TXNRD3: variants seen among roughly 807,000 people sequenced by gnomAD.
TXNRD3 encodes TXNRD3 neighbor gene protein.
In TXNRD3, 68 loss-of-function variants were observed where a neutral mutation model predicts 78.2. The observed-to-expected ratio is 0.87, with a 90% confidence interval of 0.72 to 1.06. The LOEUF is 1.06. Ranked by LOEUF, TXNRD3 falls within the 50% of genes least tolerant of loss-of-function variation. TXNRD3 has a pLI of 0.00. For missense variants in TXNRD3, 751 were observed against 809.5 expected, an observed-to-expected ratio of 0.93 and a Z score of 0.88; for synonymous variants, 296 against 300.1, an observed-to-expected ratio of 0.99 and a Z score of 0.14.
intron 6 of TXNRD3, among the ~76,000 whole-genome samples, chr3:126,637,924 T>TTCTCTC (rs1303475079): frequency 7.1e-6 from 1 of 141,022 alleles, no homozygotes; most frequent in African/African-American, 2.5e-5. Flanking sequence ...TAACCTATAT[T>TTCTCTC]TCTCTCTCTT....
chr3:126,645,594 A>G (rs1446904114), intron 3 of TXNRD3, among the ~76,000 whole-genome samples: 1 of 152,268 alleles, frequency 6.6e-6, no homozygotes, highest in Non-Finnish European at 1.5e-5. Context: ...ATGACAGAGT[A>G]GAATTTTAAT....
At chr3:126,629,303 A>G (rs1483026441) in intron 10 of TXNRD3, 76 bp downstream of exon 10, 2 of 1,042,822 alleles carry the variant, frequency 1.9e-6, no homozygotes, top group Admixed American at 5.5e-5. Context: ...ATCCTGGTAT[A>G]ATTTTCCCAT....
intron 3 of TXNRD3, among the ~76,000 whole-genome samples, chr3:126,645,461 A>G (rs1281303014): frequency 6.6e-6 from 1 of 152,236 alleles, no homozygotes; most frequent in Non-Finnish European, 1.5e-5. Flanking sequence ...GATGCTGATC[A>G]TAGATTAACA....
At chr3:126,610,464 C>A (rs909913212) in intron 14 of TXNRD3, among the ~76,000 whole-genome samples, 1 of 152,208 alleles carries the variant, frequency 6.6e-6, no homozygotes, top group Non-Finnish European at 1.5e-5. Context: ...CCCCTCATAA[C>A]TGGGAGGAGG....
At chr3:126,622,604 C>A in intron 10 of TXNRD3, 64 bp from the exon 11 acceptor site, 2 of 1,167,438 alleles carry the variant, frequency 1.7e-6, no homozygotes, top group Admixed American at 2.3e-5. Context: ...AGGAACATCA[C>A]TATAGATCCT....
chr3:126,628,856 C>T (rs984085928), intron 10 of TXNRD3, among the ~76,000 whole-genome samples: 1 of 151,990 alleles, frequency 6.6e-6, no homozygotes, highest in Non-Finnish European at 1.5e-5. Flanking sequence ...TTTCTCTACG[C>T]TGCATTTTTT....
rs1933260285 is a variant in TXNRD3 at position 126,647,235 on chromosome 3, C to T, written c.304+1G>A. On this transcript the variant is annotated splice_donor_variant, in intron 2 of 15. Transcript: ENST00000524230. LOFTEE classifies it high-confidence loss of function. ...CACTATGTTGTAACTGGTCTACTTA[C>T]CAACTTGATCAAGTTCCAAGACATT... 6.5e-7 allele frequency: 1 copy of T among 1,534,054 alleles called. No individual in the cohort carries two copies. The highest frequency in any genetic ancestry group is 1.2e-5 in the South Asian group (1 of 83,786).
At chr3:126,641,746 T>C (rs910133998) in intron 6 of TXNRD3, among the ~76,000 whole-genome samples, 8 of 152,238 alleles carry the variant, frequency 5.3e-5, no homozygotes, top group Middle Eastern at 3.2e-3. Context: ...CTATTCTATT[T>C]TTCTTATACT....
Position 126,654,908 on chromosome 3 carries a change from G to C in TXNRD3, c.83C>G (p.Ala28Gly). 7.6e-7 allele frequency: 1 copy of C among 1,310,178 alleles called. No individual in the cohort carries two copies. Among genetic ancestry groups the C allele is most frequent in the Non-Finnish European group, 9.6e-7 (1 of 1,037,996 alleles). 81.2% of individuals were successfully genotyped at this position (1,310,178 alleles called of 1,614,324 possible). A position where few individuals can be genotyped will look rare whatever the true frequency, so the allele number is the denominator to read the frequency against. Residue 28 changes from alanine (A) to glycine (G), a missense_variant, in exon 1 of 16, where the codon GCG becomes GGG. By Grantham distance (60) the Ala-to-Gly change is moderately conservative. Transcript: ENST00000524230. ...GCGCCCCGGCGGCGACAACACGCGC[G>C]CCCCTCGGACATGGCCCGAGCGGCG...
chr3:126,619,787 T>C (rs1278440504), intron 12 of TXNRD3, among the ~76,000 whole-genome samples: 1 of 152,216 alleles, frequency 6.6e-6, no homozygotes, highest in Non-Finnish European at 1.5e-5. Flanking sequence ...ATTTGATCAT[T>C]ACACATTGTA....
chr3:126,629,529 G>A (rs1012480704), intron 9 of TXNRD3, 58 bp from the exon 10 acceptor site: 33 of 1,326,666 alleles, frequency 2.5e-5, no homozygotes, highest in Middle Eastern at 3.6e-4. Context: ...AGAAATACAC[G>A]AAAGGGTCTA....
intron 10 of TXNRD3, 112 bp from the exon 11 acceptor site, chr3:126,622,652 A>G: frequency 1.3e-6 from 1 of 743,786 alleles, no homozygotes; most frequent in Non-Finnish European, 2.1e-6. Flanking sequence ...TATTACAAAC[A>G]ATCTATGCCA....
At chr3:126,624,267 A>T (rs1938525619) in intron 10 of TXNRD3, among the ~76,000 whole-genome samples, 1 of 152,192 alleles carries the variant, frequency 6.6e-6, no homozygotes, top group South Asian at 2.1e-4. Flanking sequence ...AGTTATATAG[A>T]AATGCAAACA....
At chr3:126,648,125 T>C (rs564488532) in intron 1 of TXNRD3, among the ~76,000 whole-genome samples, 53 of 152,230 alleles carry the variant, frequency 3.5e-4, no homozygotes, top group African/African-American at 1.3e-3. Flanking sequence ...TCATTTATAA[T>C]AGCAACAAGA....
intron 1 of TXNRD3, among the ~76,000 whole-genome samples, chr3:126,647,955 G>C (rs1334857330): frequency 6.6e-6 from 1 of 152,204 alleles, no homozygotes; most frequent in Non-Finnish European, 1.5e-5. Context: ...ATGATCTCAT[G>C]CGTAGAAAAC....
intron 8 of TXNRD3, 58 bp downstream of exon 8, chr3:126,631,705 AC>A: frequency 2.8e-6 from 3 of 1,067,044 alleles, no homozygotes; most frequent in Non-Finnish European, 4.1e-6. Flanking sequence ...TAAACTGGAA[AC>A]ATGTCAATAT....
At chr3:126,643,052 C>A (rs1317442965) in intron 5 of TXNRD3, among the ~76,000 whole-genome samples, 1 of 152,188 alleles carries the variant, frequency 6.6e-6, no homozygotes, top group Non-Finnish European at 1.5e-5. Context: ...AGACTGAGTG[C>A]CACCACCCAG....
At chr3:126,614,526 TTATA>T (rs1200889764) in intron 13 of TXNRD3, among the ~76,000 whole-genome samples, 2 of 152,226 alleles carry the variant, frequency 1.3e-5, no homozygotes, top group Non-Finnish European at 2.9e-5. Flanking sequence ...TAGCTTATTA[TTATA>T]TAAACAGTTA....
At chr3:126,645,879 C>T (rs1933217311) in intron 3 of TXNRD3, among the ~76,000 whole-genome samples, 1 of 152,150 alleles carries the variant, frequency 6.6e-6, no homozygotes, top group Non-Finnish European at 1.5e-5. Context: ...TCCAGGGTGG[C>T]CCACTGGTTT....
Sources: allele counts gnomAD v4.1 joint callset (sites outside exome capture counted in the v4.1 genomes callset), GRCh38; gene constraint gnomAD v4.1.1; transcripts MANE v1.5; gene names NCBI Gene and HGNC (gene_info 2026-07-23, HGNC 2026-07-21).